The following SLC44A3 variants were observed in gnomAD, a reference collection of about 807,000 sequenced individuals.
The protein encoded by SLC44A3 is choline transporter-like protein 3.
SLC44A3 carries 74 observed loss-of-function variants against 75.4 expected under a neutral mutation model. The observed-to-expected ratio is 0.98, with a 90% confidence interval of 0.81 to 1.19. The LOEUF (loss-of-function observed/expected upper bound fraction) is 1.19, where lower values mean the gene tolerates loss of function less well. SLC44A3 is among the 50% of genes most tolerant of loss of function. The pLI, the probability that SLC44A3 is intolerant of heterozygous loss-of-function variation, is 0.00. For missense variants in SLC44A3, 700 were observed against 778.6 expected (o/e 0.90, Z 1.20); for synonymous variants, 310 against 296.9 (o/e 1.04, Z -0.45).
At chr1:94,833,435 C>G (rs1162362150) in intron 5 of SLC44A3, among the ~76,000 whole-genome samples, 2 of 152,204 alleles carry the variant, frequency 1.3e-5, no homozygotes, top group African/African-American at 4.8e-5. Flanking sequence ...CCACCTCCAG[C>G]TCCTTCTGCC....
At chr1:94,852,644 C>T (rs1259671535) in intron 9 of SLC44A3, among the ~76,000 whole-genome samples, 1 of 152,144 alleles carries the variant, frequency 6.6e-6, no homozygotes, top group African/African-American at 2.4e-5. Context: ...GACCTGACTA[C>T]ATTTTAATAG....
chr1:94,828,436 G>T, intron 4 of SLC44A3, 57 bp from the exon 5 acceptor site: 1 of 1,446,694 alleles, frequency 6.9e-7, no homozygotes, highest in Non-Finnish European at 9.6e-7. Context: ...CATGGCTGTG[G>T]TTTCCTTACT....
Position 94,820,481 on chromosome 1 carries a change from A to C in SLC44A3, c.27+3A>C. ...ACTGCCTGGGCGCCGAGTACCTGGT[A>C]AGCGCTCGCAGCCTCGGCCCTCGGG... On this transcript the variant is annotated splice_donor_region_variant and intron_variant, in intron 1 of 14. Transcript: ENST00000271227. The C allele has an allele frequency of 6.7e-7, 1 of 1,494,628 alleles. No homozygotes were observed. Among genetic ancestry groups the C allele is most frequent in the Non-Finnish European group, 8.9e-7 (1 of 1,125,244 alleles). The allele number at this position is 1,494,628 out of a possible 1,614,324, so 92.6% of individuals were successfully genotyped here. A position where few individuals can be genotyped will look rare whatever the true frequency, so the allele number is the denominator to read the frequency against.
intron 9 of SLC44A3, among the ~76,000 whole-genome samples, chr1:94,846,142 G>C (rs531861403): frequency 1.0e-3 from 95 of 93,004 alleles, no homozygotes; most frequent in African/African-American, 3.7e-3. Flanking sequence ...GCAAGACTCT[G>C]TCTCAAAAAA....
At chr1:94,831,402 G>T (rs774148594) in intron 5 of SLC44A3, among the ~76,000 whole-genome samples, 2 of 152,136 alleles carry the variant, frequency 1.3e-5, no homozygotes, top group Non-Finnish European at 2.9e-5. Flanking sequence ...ACATGAGAAG[G>T]GTGGCTATAG....
intron 12 of SLC44A3, among the ~76,000 whole-genome samples, chr1:94,886,599 C>T (rs79303822): frequency 0.12 from 18,450 of 150,698 alleles, 1,213 homozygotes; most frequent in African/African-American, 0.15. Context: ...CCTGCTGGGC[C>T]CTCTCTTCCC....
At chr1:94,848,369 A>G (rs1045579624) in intron 9 of SLC44A3, among the ~76,000 whole-genome samples, 3 of 152,098 alleles carry the variant, frequency 2.0e-5, no homozygotes, top group Non-Finnish European at 4.4e-5. Flanking sequence ...GCTGGGGATG[A>G]GGTGTGATGG....
intron 12 of SLC44A3, among the ~76,000 whole-genome samples, chr1:94,871,921 C>T (rs960870596): frequency 3.9e-5 from 6 of 152,090 alleles, no homozygotes; most frequent in Admixed American, 1.3e-4. Flanking sequence ...ATCTAACTGC[C>T]GAGGCAATGC....
intron 12 of SLC44A3, among the ~76,000 whole-genome samples, chr1:94,868,801 C>G (rs187190800): frequency 6.6e-6 from 1 of 152,242 alleles, no homozygotes; most frequent in African/African-American, 2.4e-5. Context: ...CTACAAGGCC[C>G]GAGGGTTGAC....
chr1:94,835,402 T>A (rs1185056418), intron 5 of SLC44A3, among the ~76,000 whole-genome samples: 1 of 152,208 alleles, frequency 6.6e-6, no homozygotes, highest in Non-Finnish European at 1.5e-5. Flanking sequence ...AAATAAAGGC[T>A]GTAGTTTAGT....
chr1:94,832,269 A>G (rs561731522), intron 5 of SLC44A3, among the ~76,000 whole-genome samples: 1 of 152,332 alleles, frequency 6.6e-6, no homozygotes, highest in East Asian at 1.9e-4. Flanking sequence ...CTCTAATTTT[A>G]TGTTTAAGAT....
At chr1:94,868,969 AGG>A (rs1455342080) in intron 12 of SLC44A3, among the ~76,000 whole-genome samples, 1 of 152,250 alleles carries the variant, frequency 6.6e-6, no homozygotes, top group Non-Finnish European at 1.5e-5. Flanking sequence ...AGGTGGAGGA[AGG>A]GTGGGCCCTG....
chr1:94,892,277 A>G lies in SLC44A3; in HGVS notation c.1621-4A>G. On this transcript the variant is annotated splice_polypyrimidine_tract_variant and splice_region_variant and intron_variant, in intron 13 of 14. Coordinates refer to ENST00000271227, the MANE Select transcript of SLC44A3 (RefSeq NM_001114106.3). ...GATTTTCAACAAACTCTTCTTTTGC[A>G]CAGGTGTTAGTGGTGTGTTTCACTG... The G allele has an allele frequency of 6.2e-7, 1 of 1,606,598 alleles. No homozygotes were observed.
chr1:94,866,267 A>T (rs1667155442), intron 11 of SLC44A3, among the ~76,000 whole-genome samples: 1 of 152,204 alleles, frequency 6.6e-6, no homozygotes, highest in African/African-American at 2.4e-5. Context: ...AAAGCTAGGC[A>T]TTTTAAACTC....
chr1:94,839,051 G>T (rs1172577217), intron 6 of SLC44A3: 5 of 152,232 alleles, frequency 3.3e-5, no homozygotes, highest in Non-Finnish European at 1.5e-5. Flanking sequence ...CCTAGGAGAA[G>T]AGGTGGCAGA....
At chr1:94,835,903 C>CT (rs916807451) in intron 5 of SLC44A3, among the ~76,000 whole-genome samples, 6 of 152,180 alleles carry the variant, frequency 3.9e-5, no homozygotes, top group Non-Finnish European at 7.3e-5. Flanking sequence ...GTCTCTTGTA[C>CT]TTTTTGGAAT....
chr1:94,893,137 G>A (rs1310688090), intron 14 of SLC44A3, among the ~76,000 whole-genome samples: 1 of 152,184 alleles, frequency 6.6e-6, no homozygotes, highest in African/African-American at 2.4e-5. Context: ...CTTATCCTGG[G>A]TAGACAGGGA....
At chr1:94,882,930 G>T (rs1669155607) in intron 12 of SLC44A3, among the ~76,000 whole-genome samples, 1 of 148,826 alleles carries the variant, frequency 6.7e-6, no homozygotes, top group South Asian at 2.2e-4. Flanking sequence ...CAACCATTCT[G>T]CTGAAAGAAC....
rs1333635880 is a variant in SLC44A3 at position 94,828,478 on chromosome 1, G to A, written c.416-15G>A. 2 of 1,608,372 alleles carry A rather than the reference G, an allele frequency of 1.2e-6. No individual in the cohort carries two copies. The highest frequency in any genetic ancestry group is 1.7e-6 in the Non-Finnish European group (2 of 1,175,832). Reference sequence around the variant, plus strand: ...CCTGGAAAGAAGGTATAATGTCTGTGTGTTCTGCTTCCAGGGTCCTTCCTG... The same window carrying A: ...CCTGGAAAGAAGGTATAATGTCTGTATGTTCTGCTTCCAGGGTCCTTCCTG... On this transcript the variant is annotated splice_polypyrimidine_tract_variant and intron_variant, in intron 4 of 14. Coordinates refer to ENST00000271227, the MANE Select transcript of SLC44A3 (RefSeq NM_001114106.3).
Sources: allele counts gnomAD v4.1 joint callset (sites outside exome capture counted in the v4.1 genomes callset), GRCh38; gene constraint gnomAD v4.1.1; transcripts MANE v1.5; gene names NCBI Gene and HGNC (gene_info 2026-07-23, HGNC 2026-07-21).